Variants in DOCK8 observed in about 807,000 individuals in gnomAD.
DOCK8 encodes the protein dedicator of cytokinesis protein 8.
A neutral mutation model predicts 245.6 loss-of-function variants in DOCK8; 141 were observed. The observed-to-expected ratio is 0.57, with a 90% CI of 0.50 to 0.66. The LOEUF (loss-of-function observed/expected upper bound fraction) is 0.66. Among genes scored for constraint, DOCK8 ranks in the 30% least tolerant of loss-of-function variants. The pLI, the probability that DOCK8 is intolerant of heterozygous loss-of-function variation, is 0.00. For synonymous variants in DOCK8, 1,168 were observed against 970.2 expected, an observed-to-expected ratio of 1.20 and a Z score of -3.79; for missense variants, 2,965 against 2,603.4, an observed-to-expected ratio of 1.14 and a Z score of -3.02.
At chr9:310,915 C>A (rs954872896) in intron 5 of DOCK8, among the ~76,000 whole-genome samples, 13 of 152,302 alleles carry the variant, frequency 8.5e-5, no homozygotes, top group African/African-American at 3.1e-4. Flanking sequence ...CTGGGACTTG[C>A]TTCTGTCAAA....
intron 10 of DOCK8, 116 bp downstream of exon 10, chr9:332,594 C>A: frequency 1.4e-5 from 7 of 490,858 alleles, no homozygotes; most frequent in East Asian, 4.4e-5. Context: ...ATATAAGACA[C>A]TACTACATTT....
At chr9:295,953 A>G (rs1243430450) in intron 4 of DOCK8, among the ~76,000 whole-genome samples, 2 of 152,236 alleles carry the variant, frequency 1.3e-5, no homozygotes, top group Non-Finnish European at 2.9e-5. Flanking sequence ...AACCTAACAG[A>G]GAAAGATTAA....
intron 1 of DOCK8, among the ~76,000 whole-genome samples, chr9:270,186 A>G (rs1228315545): frequency 2.0e-5 from 3 of 152,214 alleles, no homozygotes; most frequent in Non-Finnish European, 2.9e-5. Flanking sequence ...AAAATTAAAT[A>G]AAGAAAACGC....
intron 14 of DOCK8, among the ~76,000 whole-genome samples, chr9:344,608 A>G (rs1271088333): frequency 6.6e-6 from 1 of 152,014 alleles, no homozygotes; most frequent in Non-Finnish European, 1.5e-5. Context: ...GTTCCTTGCC[A>G]TCTCCCCATA....
chr9:222,284 A>C (rs2046900196), intron 1 of DOCK8, among the ~76,000 whole-genome samples: 1 of 152,076 alleles, frequency 6.6e-6, no homozygotes, highest in Non-Finnish European at 1.5e-5. Flanking sequence ...ACAAAAAACC[A>C]AAAGAGATAG....
At chr9:223,114 G>GA (rs2046920323) in intron 1 of DOCK8, among the ~76,000 whole-genome samples, 1 of 152,038 alleles carries the variant, frequency 6.6e-6, no homozygotes, top group African/African-American at 2.4e-5. Flanking sequence ...ACTCTGCTCA[G>GA]AAACCTCAAA....
intron 2 of DOCK8, among the ~76,000 whole-genome samples, chr9:280,485 A>G (rs1400071095): frequency 1.3e-5 from 2 of 152,198 alleles, no homozygotes; most frequent in Admixed American, 1.3e-4. Context: ...AAGCGAGCTT[A>G]AAAGTCCGCA....
intron 20 of DOCK8, among the ~76,000 whole-genome samples, chr9:379,474 G>T (rs1180569766): frequency 1.2e-4 from 19 of 152,128 alleles, no homozygotes; most frequent in Admixed American, 1.2e-3. Flanking sequence ...CCACTGAGTA[G>T]CATCAGTTTA....
rs138464033 is a variant in DOCK8 at position 312,078 on chromosome 9, G to T, written c.653G>T (p.Ser218Ile). The T allele has an allele frequency of 6.2e-7, 1 of 1,614,236 alleles. No individual in the cohort carries two copies. The highest frequency in any genetic ancestry group is 8.5e-7 in the Non-Finnish European group (1 of 1,180,038). The change falls in exon 6 of 48, where the codon AGT (serine) becomes ATT (isoleucine). Residue 218 changes from serine to isoleucine, a missense_variant. Physicochemically the swap from Ser to Ile is moderately radical, Grantham distance 142. Transcript: ENST00000432829. ...CTAGAAAACCTCCTGCAGCAAGTGA[G>T]TGCCGAGGACTTTGAGAAGCAGAAC... ...KRLENLLQQVSAEDFEKQNEE... is the reference protein window; with the variant it reads ...KRLENLLQQVIAEDFEKQNEE...
rs1564015444 is a variant in DOCK8, at chr9:400,794, CCACCACCTCCACCAT to C, written c.3234+1543_3234+1557del. On this transcript the variant is annotated intron_variant, in intron 26 of 47. Transcript: ENST00000432829. ...ACCACCACCACCACCTCCACCATCA[CCACCACCTCCACCAT>C]CACCACCACCTCCACCATCACCATC... 1.3e-3 allele frequency among the ~76,000 whole-genome samples: 168 copies of C among 130,518 alleles called. 3 individuals carry two copies. Among genetic ancestry groups the C allele is most frequent in the Non-Finnish European group, 2.0e-3 (121 of 60,696 alleles). The allele number at this position is 130,518 out of a possible 152,430, so 85.6% of individuals were successfully genotyped here.
intron 1 of DOCK8, among the ~76,000 whole-genome samples, chr9:248,796 C>G (rs10966122): frequency 0.012 from 1,815 of 152,234 alleles, 38 homozygotes; most frequent in African/African-American, 0.042. Context: ...TGCATTTTTG[C>G]TGAGATAGTG....
chr9:216,156 C>G (rs2046746101), intron 1 of DOCK8, among the ~76,000 whole-genome samples: 1 of 152,132 alleles, frequency 6.6e-6, no homozygotes, highest in Admixed American at 6.5e-5. Context: ...TCTTACCTTA[C>G]TATTTCGTCA....
chr9:464,054 T>C, intron 47 of DOCK8, 105 bp from the exon 48 acceptor site: 1 of 979,232 alleles, frequency 1.0e-6, no homozygotes, highest in Admixed American at 1.7e-5. Context: ...TGATGTCCAT[T>C]TCTACTGGGT....
At chr9:419,415 C>G (rs1168003806) in intron 30 of DOCK8, among the ~76,000 whole-genome samples, 2 of 152,140 alleles carry the variant, frequency 1.3e-5, no homozygotes, top group Non-Finnish European at 2.9e-5. Flanking sequence ...CCAAAGTTAG[C>G]TGCTTGAGGT....
At position 407,019 on chromosome 9, in the gene DOCK8, C is replaced by T. The variant is rs764046452; in HGVS notation, c.3480C>T (p.Thr1160=). Residue 1160 remains threonine (T), a synonymous_variant, in exon 28 of 48, where the codon ACC becomes ACT. Coordinates refer to ENST00000432829, the MANE Select transcript of DOCK8 (RefSeq NM_203447.4). ...TSEYRQQHFL[T]GLLFTELAAA... is the part of the protein sequence containing the mutation. ...AGTACCGCCAGCAGCACTTCCTCAC[C>T]GGGCTCCTCTTCACAGAACTGGCTG... 45 of 1,614,018 alleles carry T rather than the reference C, an allele frequency of 2.8e-5. No homozygotes were observed. In the East Asian group the frequency reaches 3.1e-4, roughly 11 times the overall value.
At chr9:366,181 A>G (rs942474142) in intron 14 of DOCK8, 2 of 154,898 alleles carry the variant, frequency 1.3e-5, no homozygotes, top group Non-Finnish European at 2.9e-5. Flanking sequence ...CCTGTCATCT[A>G]CTCTTCTGGG....
chr9:463,439 G>T (rs950563389), intron 46 of DOCK8, 78 bp from the exon 47 acceptor site: 1 of 1,562,738 alleles, frequency 6.4e-7, no homozygotes, highest in Non-Finnish European at 8.8e-7. Context: ...TCGAAAAATC[G>T]TAAGTAATTT....
At chr9:219,538 AT>A (rs940045378) in intron 1 of DOCK8, among the ~76,000 whole-genome samples, 7 of 152,196 alleles carry the variant, frequency 4.6e-5, no homozygotes, top group Admixed American at 6.5e-5. Flanking sequence ...CCAGAGAGTG[AT>A]TTTATGAAAG....
At chr9:403,958 A>ATATATATATATG (rs1554694156) in intron 26 of DOCK8, among the ~76,000 whole-genome samples, 2 of 75,634 alleles carry the variant, frequency 2.6e-5, no homozygotes, top group Non-Finnish European at 4.5e-5. Context: ...ATATATATAT[A>ATATATATATATG]TGTATATATA....
Sources: gnomAD v4.1 joint callset for allele counts (sites outside exome capture counted in the v4.1 genomes callset) on GRCh38, gnomAD v4.1.1 for gene constraint, MANE v1.5 for transcripts, NCBI Gene and HGNC (gene_info 2026-07-23, HGNC 2026-07-21) for gene names.